SPTAN1: variants seen among roughly 807,000 people sequenced by gnomAD.
SPTAN1 encodes the protein spectrin alpha chain, non-erythrocytic 1.
SPTAN1 carries 61 observed loss-of-function variants against 331.3 expected under a neutral mutation model. The ratio of observed to expected loss-of-function variants is 0.18; its 90% CI spans 0.15 to 0.23. The LOEUF is 0.23. Ranked by LOEUF, SPTAN1 falls within the 10% of genes least tolerant of loss-of-function variation. The pLI is 1.00. For missense variants in SPTAN1, 2,043 were observed against 3,147.9 expected (o/e 0.65, Z 8.40); for synonymous variants, 1,153 against 1,173.9 (o/e 0.98, Z 0.36).
At chr9:128,569,518 G>A (rs554266542) in intron 3 of SPTAN1, among the ~76,000 whole-genome samples, 2 of 151,326 alleles carry the variant, frequency 1.3e-5, no homozygotes, top group African/African-American at 4.9e-5. Context: ...CACATATCTA[G>A]TATGAAGATA....
In SPTAN1 at chr9:128,615,731, C is replaced by T. The variant is rs746521266; in HGVS notation, c.5248C>T (p.Arg1750Cys). The stretch of plus-strand genomic sequence containing the variant: ...GGACAAGAGGGACACCATCAACGGG[C>T]GCTTCCAGAAGATCAAGAGCATGGC... ...VKDKRDTING[R>C]FQKIKSMAAS... is the part of the protein sequence containing the mutation. Residue 1750 changes from arginine (R) to cysteine (C), a missense_variant, in exon 41 of 57, where the codon CGC (arginine) becomes TGC (cysteine). Physicochemically the swap from Arg to Cys is radical, Grantham distance 180. This residue lies in a region of SPTAN1 where 323 missense variants were observed against 581.1 expected (regional missense o/e 0.56). Transcript: ENST00000372739. 12 of 1,614,074 alleles carry T rather than the reference C, an allele frequency of 7.4e-6. No homozygotes were observed. The highest frequency in any genetic ancestry group is 2.7e-5 in the African/African-American group (2 of 74,932).
chr9:128,615,552 A>C, intron 40 of SPTAN1, 80 bp from the exon 41 acceptor site: 22 of 1,409,854 alleles, frequency 1.6e-5, no homozygotes, highest in Non-Finnish European at 2.0e-5. Flanking sequence ...ACATCTCAGT[A>C]AGGAATTCCT....
rs1393096593 is a variant in SPTAN1, at chr9:128,633,436, G to A, written c.*102G>A. On this transcript the variant is annotated 3_prime_UTR_variant, in exon 57 of 57. Transcript: ENST00000372739. ...CACTTTCCACTGTAACCTTAAGCCT[G>A]CTTAGCTTGGAATAAGACTTAGGAG... The A allele has an allele frequency of 1.3e-6, 2 of 1,576,476 alleles. No homozygotes were observed. The highest frequency in any genetic ancestry group is 1.7e-6 in the Non-Finnish European group (2 of 1,155,232).
chr9:128,605,440 G>A lies in SPTAN1; in HGVS notation c.4009G>A (p.Asp1337Asn). The A allele has an allele frequency of 1.2e-6, 2 of 1,614,188 alleles. No homozygotes were observed. The highest frequency in any genetic ancestry group is 2.2e-5 in the South Asian group (2 of 91,076). The change falls in exon 31 of 57, where the codon GAC (aspartate) becomes AAC (asparagine). Residue 1337 changes from aspartate (D) to asparagine (N), a missense_variant. By Grantham distance (23) the Asp-to-Asn change is conservative. Transcript: ENST00000372739. ...RADQRKAKLG[D>N]SHDLQRFLSD... Reference sequence around the variant, plus strand: ...AGATCAGCGCAAGGCAAAGTTGGGTGACTCCCACGACCTGCAGCGCTTCCT... The same window carrying A: ...AGATCAGCGCAAGGCAAAGTTGGGTAACTCCCACGACCTGCAGCGCTTCCT...
intron 27 of SPTAN1, among the ~76,000 whole-genome samples, chr9:128,600,837 A>G (rs1440387932): frequency 6.6e-6 from 1 of 151,356 alleles, no homozygotes; most frequent in African/African-American, 2.4e-5. Context: ...AAATTTTTGT[A>G]TTTTTAGTAG....
intron 31 of SPTAN1, among the ~76,000 whole-genome samples, chr9:128,606,514 C>T (rs1225246323): frequency 1.9e-4 from 26 of 138,530 alleles, no homozygotes; most frequent in Admixed American, 1.8e-3. Flanking sequence ...GGAAGCGTTT[C>T]GCTTTTGTGC....
intron 34 of SPTAN1, 46 bp downstream of exon 34, chr9:128,608,322 T>G (rs1268154455): frequency 6.2e-7 from 1 of 1,612,674 alleles, no homozygotes; most frequent in Admixed American, 1.7e-5. Context: ...TTTTCCTGAT[T>G]GACATCTGTT....
chr9:128,603,279 C>T (rs1855413894), intron 27 of SPTAN1, among the ~76,000 whole-genome samples: 1 of 152,006 alleles, frequency 6.6e-6, no homozygotes, highest in African/African-American at 2.4e-5. Context: ...CAACTAGCTG[C>T]TAGAATTGTG....
In SPTAN1 at chr9:128,632,177, G is replaced by T; in HGVS notation, c.6813G>T (p.Glu2271Asp). 1 of 1,613,524 alleles carries T rather than the reference G, an allele frequency of 6.2e-7. No individual in the cohort carries two copies. The change falls in exon 53 of 57, where the codon GAG becomes GAT. Residue 2271 changes from glutamate (E) to aspartate (D), a missense_variant. Around this residue, in one of 12 missense-constraint regions of SPTAN1, gnomAD observed 256 missense variants for 376.4 expected, o/e 0.68. Coordinates refer to ENST00000372739, the MANE Select transcript of SPTAN1 (RefSeq NM_001130438.3). ...RAMRSQLKKIEDLGAAMEEAL... is the reference protein window; with the variant it reads ...RAMRSQLKKIDDLGAAMEEAL... ...TGAGAAGTCAGCTCAAAAAGATCGAGGACCTGGGGGCCGCCATGGAGGAGG... is the reference window on the plus strand; with the variant it reads ...TGAGAAGTCAGCTCAAAAAGATCGATGACCTGGGGGCCGCCATGGAGGAGG...
chr9:128,632,748 C>T, intron 55 of SPTAN1, 30 bp downstream of exon 55: 3 of 1,614,044 alleles, frequency 1.9e-6, no homozygotes, highest in South Asian at 1.1e-5. Flanking sequence ...GTGCTGTGAG[C>T]CTCTGCCCGG....
intron 11 of SPTAN1, 127 bp downstream of exon 11, chr9:128,581,186 G>A: frequency 4.6e-6 from 6 of 1,312,796 alleles, no homozygotes; most frequent in Non-Finnish European, 6.3e-6. Flanking sequence ...TTGAAGAGGG[G>A]GAATTGAGCA....
In SPTAN1 at chr9:128,624,709, G is replaced by A. The variant is rs528805392; in HGVS notation, c.5992+222G>A. The A allele has an allele frequency of 6.0e-4, 362 of 598,846 alleles. 1 individual carries two copies. The highest frequency in any genetic ancestry group is 1.4e-3 in the Admixed American group (48 of 33,914). The allele number at this position is 598,846 out of a possible 1,614,324, so 37.1% of individuals were successfully genotyped here. A position where few individuals can be genotyped will look rare whatever the true frequency, so the allele number is the denominator to read the frequency against. On this transcript the variant is annotated intron_variant, in intron 46 of 56. Coordinates refer to ENST00000372739, the MANE Select transcript of SPTAN1 (RefSeq NM_001130438.3). ...CTGGCACCAGGGTCAATAAACAAAA[G>A]CCTGTAAACGCTGCTGCACGCAGAG...
chr9:128,598,630 G>A, intron 25 of SPTAN1, 126 bp downstream of exon 25: 1 of 850,148 alleles, frequency 1.2e-6, no homozygotes, highest in Non-Finnish European at 2.0e-6. Context: ...TGTAGGTCAG[G>A]TCCTCTATGT....
rs907830694 is a variant in SPTAN1 at position 128,629,386 on chromosome 9, G to A, written c.6708-935G>A. 2.6e-5 allele frequency among the ~76,000 whole-genome samples: 4 copies of A among 151,978 alleles called. No individual in the cohort carries two copies. Among genetic ancestry groups the A allele is most frequent in the African/African-American group, 9.7e-5 (4 of 41,386 alleles). On this transcript the variant is annotated intron_variant, in intron 51 of 56. Coordinates refer to ENST00000372739, the MANE Select transcript of SPTAN1 (RefSeq NM_001130438.3). This position sits in a 1 kb window ranked among gnomAD's most constrained non-coding sequence, Gnocchi z 4.9. ...TTCCCCGGGGGGACATGGCGTGACT[G>A]TGAGTCTGACCTGCTGGGGTAGGAG...
Position 128,592,350 on chromosome 9 carries a change from C to G in SPTAN1, c.3156-633C>G, listed in dbSNP as rs190676025. On this transcript the variant is annotated intron_variant, in intron 22 of 56. Coordinates refer to ENST00000372739, the MANE Select transcript of SPTAN1 (RefSeq NM_001130438.3). ...AGTGCAGTGGTGTGATCTTGGCTTA[C>G]TGCAACCTCTGCCTCCTGGGTTCAA... Among the ~76,000 whole-genome samples the G allele has an allele frequency of 3.6e-3, 550 of 151,050 alleles. 9 individuals carry two copies. Among genetic ancestry groups the G allele is most frequent in the East Asian group, 0.011 (59 of 5,148 alleles).
At chr9:128,596,122 G>C (rs1356310973) in intron 24 of SPTAN1, 1 of 152,276 alleles carries the variant, frequency 6.6e-6, no homozygotes, top group Non-Finnish European at 1.5e-5. Flanking sequence ...GGGATTACAG[G>C]TGTGAGCCAC....
intron 24 of SPTAN1, 88 bp from the exon 25 acceptor site, chr9:128,598,310 TTA>T: frequency 1.0e-6 from 1 of 966,556 alleles, no homozygotes. Context: ...AGAAGAATCC[TTA>T]TAGTTTCAAG....
chr9:128,577,317 G>A lies in SPTAN1; in HGVS notation c.931-35G>A, dbSNP rs1471201580. 1 of 1,614,188 alleles carries A rather than the reference G, an allele frequency of 6.2e-7. No individual in the cohort carries two copies. The highest frequency in any genetic ancestry group is 1.1e-5 in the South Asian group (1 of 91,084). ...TGATTCTGTAAATAAGTTACCAAGG[G>A]TCAGGAGAATAGTTCTGACGGAGTT... On this transcript the variant is annotated intron_variant, in intron 7 of 56. Transcript: ENST00000372739. This position sits in a 1 kb window ranked among gnomAD's most constrained non-coding sequence, Gnocchi z 4.2.
At chr9:128,608,838 G>A in intron 34 of SPTAN1, 36 bp from the exon 35 acceptor site, 1 of 1,606,458 alleles carries the variant, frequency 6.2e-7, no homozygotes, top group Non-Finnish European at 8.5e-7. Context: ...CCCAGCCACA[G>A]GCCCACCTTG....
Sources: gnomAD v4.1 joint callset for allele counts (sites outside exome capture counted in the v4.1 genomes callset) on GRCh38, gnomAD v4.1.1 for gene constraint, gnomAD v4.1.1 regional missense constraint, Gnocchi (gnomAD v3.1) non-coding constraint, MANE v1.5 for transcripts, NCBI Gene and HGNC (gene_info 2026-07-23, HGNC 2026-07-21) for gene names.